Variants in IL1RAPL2 observed in about 807,000 individuals in gnomAD.
IL1RAPL2 encodes X-linked interleukin-1 receptor accessory protein-like 2.
A neutral mutation model predicts 44.1 loss-of-function variants in IL1RAPL2; 3 were observed. The ratio of observed to expected loss-of-function variants is 0.07; its 90% CI spans 0.03 to 0.18. IL1RAPL2 has a LOEUF of 0.18. Among genes scored for constraint, IL1RAPL2 ranks in the 10% least tolerant of loss-of-function variants. The pLI is 1.00. For synonymous variants in IL1RAPL2, 181 were observed against 178.8 expected (o/e 1.01, Z -0.10); for missense variants, 391 against 496.4 (o/e 0.79, Z 2.02).
intron 1 of IL1RAPL2, among the ~76,000 whole-genome samples, chrX:104,624,139 C>A (rs1471963112): frequency 1.8e-5 from 2 of 111,716 alleles, no homozygotes; most frequent in African/African-American, 6.5e-5. Flanking sequence ...ACTATTTATT[C>A]TTTCTTTTTG....
At chrX:105,184,738 T>G (rs189550562) in intron 2 of IL1RAPL2, among the ~76,000 whole-genome samples, 1 of 110,531 alleles carries the variant, frequency 9.0e-6, no homozygotes, top group Non-Finnish European at 1.9e-5. Flanking sequence ...TTTACTGTCA[T>G]GAAGTGAAAT....
At chrX:104,843,330 G>T (rs1210784146) in intron 2 of IL1RAPL2, among the ~76,000 whole-genome samples, 4 of 111,815 alleles carry the variant, frequency 3.6e-5, no homozygotes, top group African/African-American at 1.3e-4. Flanking sequence ...GTGGTTCTTA[G>T]CTTGCTGGGC....
Position 104,585,709 on chromosome X carries a change from C to T in IL1RAPL2, c.-20+18658C>T, listed in dbSNP as rs189290199. On this transcript the variant is annotated intron_variant, in intron 1 of 10. Coordinates refer to ENST00000372582, the MANE Select transcript of IL1RAPL2 (RefSeq NM_017416.2). ...AAACGTGTTATTTGTTTTTCTGTTC[C>T]TGCATTAGTTTACTAAGAATAATGG... 8.3e-5 allele frequency among the ~76,000 whole-genome samples: 9 copies of T among 107,860 alleles called. No homozygotes were observed. The East Asian group carries it at 2.7e-3, about 32-fold the overall frequency. The allele number at this position is 107,860 out of a possible 115,157, so 93.7% of individuals were successfully genotyped here.
At chrX:104,595,629 T>C (rs1012574750) in intron 1 of IL1RAPL2, among the ~76,000 whole-genome samples, 4 of 111,917 alleles carry the variant, frequency 3.6e-5, no homozygotes, top group Non-Finnish European at 5.6e-5. Flanking sequence ...TCTCTAAATA[T>C]ACCATTAGGA....
intron 2 of IL1RAPL2, among the ~76,000 whole-genome samples, chrX:104,676,710 C>T (rs1327551566): frequency 1.8e-5 from 2 of 111,979 alleles, no homozygotes; most frequent in Non-Finnish European, 3.8e-5. Context: ...AACTTGGTTC[C>T]ATTCTCCCCG....
At chrX:104,939,263 G>T (rs1387013762) in intron 2 of IL1RAPL2, among the ~76,000 whole-genome samples, 2 of 110,465 alleles carry the variant, frequency 1.8e-5, no homozygotes, top group East Asian at 5.7e-4. Flanking sequence ...CGCCATGTTG[G>T]CCAGGGTGGT....
intron 2 of IL1RAPL2, among the ~76,000 whole-genome samples, chrX:104,968,490 TG>T (rs2030169055): frequency 9.0e-6 from 1 of 111,297 alleles, no homozygotes; most frequent in Non-Finnish European, 1.9e-5. Context: ...AGGAGAAAAT[TG>T]CATAACATTA....
intron 6 of IL1RAPL2, among the ~76,000 whole-genome samples, chrX:105,616,537 A>T (rs2037377748): frequency 9.0e-6 from 1 of 111,556 alleles, no homozygotes. Flanking sequence ...TGACTAATGA[A>T]GTTGAGCATC....
chrX:104,886,114 T>A (rs1311915698), intron 2 of IL1RAPL2, among the ~76,000 whole-genome samples: 1 of 113,246 alleles, frequency 8.8e-6, no homozygotes, highest in Non-Finnish European at 1.9e-5. Context: ...ATCTGAATAA[T>A]GCTGGGACAG....
intron 1 of IL1RAPL2, among the ~76,000 whole-genome samples, chrX:104,582,869 T>TTTCTTTCC (rs34608679): frequency 1.1e-5 from 1 of 88,533 alleles, no homozygotes; most frequent in African/African-American, 4.5e-5. Flanking sequence ...TCTTTCTTTC[T>TTTCTTTCC]TTTTCTTTTC....
At chrX:104,703,399 C>T (rs924332162) in intron 2 of IL1RAPL2, among the ~76,000 whole-genome samples, 3 of 111,704 alleles carry the variant, frequency 2.7e-5, no homozygotes, top group Non-Finnish European at 5.6e-5. Flanking sequence ...TTGTGTGTTT[C>T]CACTATCACA....
intron 3 of IL1RAPL2, chrX:105,219,655 G>A (rs1412367990): frequency 1.1e-5 from 13 of 1,208,061 alleles, no homozygotes; most frequent in East Asian, 8.9e-5. Context: ...AGCCACCGCC[G>A]CCTCTTCTTC....
chrX:104,676,419 A>C lies in IL1RAPL2; in HGVS notation c.82+17424A>C, dbSNP rs1240820369. Among the ~76,000 whole-genome samples, 3 of 111,568 alleles carry C rather than the reference A, an allele frequency of 2.7e-5. No individual in the cohort carries two copies. The Admixed American group carries it at 2.8e-4, about 11-fold the overall frequency. On this transcript the variant is annotated intron_variant, in intron 2 of 10. Coordinates refer to ENST00000372582, the MANE Select transcript of IL1RAPL2 (RefSeq NM_017416.2). ...AAATTCTTTTCTTTAAGAATGTTGA[A>C]TATTGGCCCCCACTCTCTTCTGGCT...
intron 5 of IL1RAPL2, among the ~76,000 whole-genome samples, chrX:105,376,185 T>C (rs1210374099): frequency 2.7e-5 from 3 of 112,119 alleles, no homozygotes; most frequent in Non-Finnish European, 5.6e-5. Context: ...ATACAGATGA[T>C]ATACTTATTG....
At chrX:105,533,281 T>A (rs1164415105) in intron 6 of IL1RAPL2, among the ~76,000 whole-genome samples, 1 of 112,273 alleles carries the variant, frequency 8.9e-6, no homozygotes. Flanking sequence ...TTGTTTAAAT[T>A]TTTATTTTGA....
intron 6 of IL1RAPL2, among the ~76,000 whole-genome samples, chrX:105,521,842 A>G (rs1175023206): frequency 8.9e-6 from 1 of 112,201 alleles, no homozygotes; most frequent in African/African-American, 3.2e-5. Context: ...AATAATCCTT[A>G]CCGCCAAGAA....
Position 105,219,859 on chromosome X carries a change from G to A in IL1RAPL2, c.357-13959G>A, listed in dbSNP as rs112466705. Reference sequence around the variant, plus strand: ...CCAGGTGGGAAGGGCGGGGCAGGGCGAAGCCATGGAGCAGGGTGGAGAGGG... The same window carrying A: ...CCAGGTGGGAAGGGCGGGGCAGGGCAAAGCCATGGAGCAGGGTGGAGAGGG... On this transcript the variant is annotated intron_variant, in intron 3 of 10. Coordinates refer to ENST00000372582, the MANE Select transcript of IL1RAPL2 (RefSeq NM_017416.2). 1.3e-4 allele frequency: 142 copies of A among 1,068,111 alleles called. No homozygotes were observed. The Admixed American group carries it at 2.2e-3, about 16-fold the overall frequency. The allele number at this position is 1,068,111 out of a possible 1,213,427, so 88.0% of individuals were successfully genotyped here.
chrX:105,199,519 A>T (rs986172028), intron 3 of IL1RAPL2, among the ~76,000 whole-genome samples: 1 of 111,077 alleles, frequency 9.0e-6, no homozygotes, highest in East Asian at 2.8e-4. Context: ...CTCAGCTAAC[A>T]GTCTATTTGC....
At chrX:104,734,375 C>A (rs777121188) in intron 2 of IL1RAPL2, among the ~76,000 whole-genome samples, 8 of 112,385 alleles carry the variant, frequency 7.1e-5, no homozygotes, top group Non-Finnish European at 1.5e-4. Flanking sequence ...TTTCTAATAA[C>A]CCCCAATTGG....
Sources: gnomAD v4.1 joint callset for allele counts (sites outside exome capture counted in the v4.1 genomes callset) on GRCh38, gnomAD v4.1.1 for gene constraint, MANE v1.5 for transcripts, NCBI Gene and HGNC (gene_info 2026-07-23, HGNC 2026-07-21) for gene names.